SH3D19: variants seen among roughly 807,000 people sequenced by gnomAD.
SH3D19 encodes the protein SH3 domain-containing protein 19.
Under a neutral mutation model 112.1 loss-of-function variants are expected in SH3D19, and 58 were observed. The observed-to-expected ratio is 0.52, with a 90% CI of 0.42 to 0.64. The LOEUF is 0.64. Ranked by LOEUF, SH3D19 falls within the 30% of genes least tolerant of loss-of-function variation. The probability of loss-of-function intolerance (pLI) is 0.00; values close to 1 mark genes in which losing one functional copy is unlikely to be tolerated. For missense variants in SH3D19, 1,090 were observed against 1,263.4 expected, an observed-to-expected ratio of 0.86 and a Z score of 2.08; for synonymous variants, 391 against 448.5, an observed-to-expected ratio of 0.87 and a Z score of 1.62.
intron 1 of SH3D19, among the ~76,000 whole-genome samples, chr4:151,241,391 G>A (rs1309165682): frequency 9.9e-5 from 15 of 151,850 alleles, no homozygotes; most frequent in Non-Finnish European, 2.1e-4. Flanking sequence ...GAATAAATAG[G>A]TCTATTTATA....
At chr4:151,139,688 G>T in intron 13 of SH3D19, 87 bp downstream of exon 13, 2 of 1,151,640 alleles carry the variant, frequency 1.7e-6, no homozygotes, top group Non-Finnish European at 2.6e-6. Context: ...AATGAAGAAG[G>T]ATGTCCTTGA....
At chr4:151,302,734 T>G (rs1420238870) in intron 1 of SH3D19, among the ~76,000 whole-genome samples, 1 of 152,200 alleles carries the variant, frequency 6.6e-6, no homozygotes, top group Admixed American at 6.5e-5. Context: ...CAAGGTCATA[T>G]AGCGGGCTAG....
intron 7 of SH3D19, among the ~76,000 whole-genome samples, chr4:151,168,729 G>A (rs1758538716): frequency 6.6e-6 from 1 of 152,026 alleles, no homozygotes; most frequent in Non-Finnish European, 1.5e-5. Flanking sequence ...CACTGTGCCT[G>A]GCCTGAAGTG....
chr4:151,260,791 C>T (rs966803210), intron 1 of SH3D19, among the ~76,000 whole-genome samples: 6 of 152,164 alleles, frequency 3.9e-5, no homozygotes, highest in African/African-American at 1.2e-4. Context: ...CTGCCAAGCT[C>T]TTTCTCACCC....
intron 1 of SH3D19, chr4:151,283,102 T>C (rs1478949356): frequency 1.2e-6 from 2 of 1,612,550 alleles, no homozygotes; most frequent in South Asian, 2.2e-5. Flanking sequence ...CTTTTGTTCC[T>C]GTCTTCCTCC....
At chr4:151,135,589 G>A (rs946276469) in intron 14 of SH3D19, among the ~76,000 whole-genome samples, 4 of 151,818 alleles carry the variant, frequency 2.6e-5, no homozygotes, top group African/African-American at 9.7e-5. Flanking sequence ...CACCACACCC[G>A]GCAAATTTTT....
Position 151,176,652 on chromosome 4 carries a change from G to A in SH3D19, c.411C>T (p.Ile137=). ...TTGTAGTATTAACTTGAACTTGGTT[G>A]ATTTCTTTTATAACTTGTTCATAAG... ...PPSYEQVIKE[I]NQVQVNTTNN... is the part of the protein sequence containing the mutation. Residue 137 remains isoleucine, a synonymous_variant, in exon 6 of 20, where the codon ATC becomes ATT. Coordinates refer to ENST00000604030, the MANE Select transcript of SH3D19 (RefSeq NM_001378122.1). 1.6e-6 allele frequency: 2 copies of A among 1,231,974 alleles called. No individual in the cohort carries two copies. The highest frequency in any genetic ancestry group is 4.1e-5 in the South Asian group (1 of 24,298). 76.3% of individuals were successfully genotyped at this position (1,231,974 alleles called of 1,614,324 possible).
At chr4:151,163,850 A>G (rs899518069) in intron 8 of SH3D19, among the ~76,000 whole-genome samples, 1 of 152,010 alleles carries the variant, frequency 6.6e-6, no homozygotes, top group Non-Finnish European at 1.5e-5. Flanking sequence ...CCCAAAGTGC[A>G]GGGATTACAG....
At chr4:151,187,714 A>C (rs1329600294) in intron 2 of SH3D19, among the ~76,000 whole-genome samples, 1 of 152,236 alleles carries the variant, frequency 6.6e-6, no homozygotes. Context: ...AGCTACTTAC[A>C]TACTGTATCT....
intron 1 of SH3D19, chr4:151,228,045 G>A (rs538095099): frequency 7.7e-4 from 755 of 985,328 alleles, no homozygotes; most frequent in Non-Finnish European, 8.6e-4. Context: ...GCTCTCCTTC[G>A]TTCTTGGTTA....
intron 2 of SH3D19, among the ~76,000 whole-genome samples, chr4:151,222,138 A>T (rs998377064): frequency 4.6e-5 from 7 of 152,174 alleles, no homozygotes; most frequent in Admixed American, 6.5e-5. Flanking sequence ...TCTGTCAGGA[A>T]ATTCTTCCTC....
At chr4:151,276,413 A>G (rs1173720502) in intron 1 of SH3D19, among the ~76,000 whole-genome samples, 1 of 152,092 alleles carries the variant, frequency 6.6e-6, no homozygotes, top group Non-Finnish European at 1.5e-5. Context: ...TCTTATTCCA[A>G]GAACTGCCAA....
chr4:151,193,374 A>G (rs1301236798), intron 2 of SH3D19, among the ~76,000 whole-genome samples: 1 of 152,184 alleles, frequency 6.6e-6, no homozygotes, highest in African/African-American at 2.4e-5. Flanking sequence ...CCTTATTTAG[A>G]GATGGTACGG....
intron 2 of SH3D19, among the ~76,000 whole-genome samples, chr4:151,221,603 T>G (rs1291261410): frequency 6.6e-6 from 1 of 152,212 alleles, no homozygotes; most frequent in African/African-American, 2.4e-5. Context: ...ATTTGTAAGG[T>G]AAAAATACTG....
intron 13 of SH3D19, among the ~76,000 whole-genome samples, chr4:151,138,866 CTTG>C (rs1752423799): frequency 6.6e-6 from 1 of 152,128 alleles, no homozygotes; most frequent in Non-Finnish European, 1.5e-5. Flanking sequence ...GGGTTTTGCT[CTTG>C]TTGCCCAGGG....
intron 1 of SH3D19, 167 bp from the exon 2 acceptor site, chr4:151,226,253 GA>G (rs1768979117): frequency 8.2e-7 from 1 of 1,222,760 alleles, no homozygotes; most frequent in Admixed American, 4.3e-5. Context: ...GACAGAGGCA[GA>G]AAAGACACAA....
chr4:151,213,052 A>T (rs1021794518), intron 2 of SH3D19, among the ~76,000 whole-genome samples: 3 of 152,228 alleles, frequency 2.0e-5, no homozygotes, highest in Non-Finnish European at 4.4e-5. Flanking sequence ...GACCCTAAAG[A>T]TGTGACCACA....
chr4:151,183,788 A>G (rs1365724495), intron 3 of SH3D19, among the ~76,000 whole-genome samples: 3 of 152,218 alleles, frequency 2.0e-5, no homozygotes, highest in South Asian at 2.1e-4. Context: ...GGGACAGGGT[A>G]TAAGAGTTAG....
intron 12 of SH3D19, chr4:151,140,427 C>G (rs1006436100): frequency 6.6e-6 from 1 of 152,302 alleles, no homozygotes. Context: ...CATGCCTGGT[C>G]TGCATTTTGT....
Sources: allele counts gnomAD v4.1 joint callset (sites outside exome capture counted in the v4.1 genomes callset), GRCh38; gene constraint gnomAD v4.1.1; transcripts MANE v1.5; gene names NCBI Gene and HGNC (gene_info 2026-07-23, HGNC 2026-07-21).